The following ROR1 variants were observed in gnomAD, a reference collection of about 807,000 sequenced individuals.
The protein encoded by ROR1 is inactive tyrosine-protein kinase transmembrane receptor ROR1.
In ROR1, 19 loss-of-function variants were observed where a neutral mutation model predicts 78.8. That is an observed-to-expected ratio of 0.24 (90% CI 0.17 to 0.35). ROR1 has a LOEUF of 0.35. ROR1 is among the 10% of genes least tolerant of loss of function. The probability of loss-of-function intolerance (pLI) is 1.00; values close to 1 mark genes in which losing one functional copy is unlikely to be tolerated. For synonymous variants in ROR1, 386 were observed against 433.6 expected (o/e 0.89, Z 1.36); for missense variants, 917 against 1,177.8 (o/e 0.78, Z 3.24).
intron 7 of ROR1, among the ~76,000 whole-genome samples, chr1:64,153,408 A>C (rs2100724234): frequency 6.6e-6 from 1 of 152,308 alleles, no homozygotes; most frequent in South Asian, 2.1e-4. Flanking sequence ...CTGAGTATTT[A>C]ATCCAAAAGA....
rs200464688 is a variant in ROR1, at chr1:64,178,105, T to G, written c.2064T>G (p.Phe688Leu). 1.8e-4 allele frequency: 289 copies of G among 1,614,180 alleles called. No homozygotes were observed. The highest frequency in any genetic ancestry group is 2.3e-4 in the Non-Finnish European group (272 of 1,180,030). The part of the protein sequence containing the change: ...FGVVLWEIFS[F>L]GLQPYYGFSN... ...TTGTCTTGTGGGAGATTTTCAGTTTTGGACTCCAGCCATATTATGGATTCA... is the reference window on the plus strand; with the variant it reads ...TTGTCTTGTGGGAGATTTTCAGTTTGGGACTCCAGCCATATTATGGATTCA... The change falls in exon 9 of 9, where the codon TTT (phenylalanine) becomes TTG (leucine). Residue 688 changes from phenylalanine to leucine, a missense_variant. Phe to Leu is a conservative substitution (Grantham distance 22). This residue lies in a region of ROR1 where 835 missense variants were observed against 1,069.8 expected (regional missense o/e 0.78). Transcript: ENST00000371079. The surrounding 1 kb of genome is among the most constrained non-coding windows in gnomAD (Gnocchi z 4.3).
chr1:63,865,439 T>G (rs1456311239), intron 1 of ROR1, among the ~76,000 whole-genome samples: 1 of 152,220 alleles, frequency 6.6e-6, no homozygotes, highest in Admixed American at 6.5e-5. Flanking sequence ...CTTCTGATAT[T>G]ATTTCAATTG....
chr1:63,896,371 T>C (rs1481852248), intron 1 of ROR1, among the ~76,000 whole-genome samples: 1 of 152,184 alleles, frequency 6.6e-6, no homozygotes, highest in Non-Finnish European at 1.5e-5. Flanking sequence ...TCCAGTGTTC[T>C]AGAATCTGTG....
At chr1:63,879,415 G>T (rs1394878658) in intron 1 of ROR1, among the ~76,000 whole-genome samples, 1 of 152,174 alleles carries the variant, frequency 6.6e-6, no homozygotes, top group African/African-American at 2.4e-5. Context: ...AATTTAGAGA[G>T]AACTTGGGGC....
chr1:63,858,023 A>G (rs1423792143), intron 1 of ROR1, among the ~76,000 whole-genome samples: 1 of 143,834 alleles, frequency 7.0e-6, no homozygotes, highest in East Asian at 1.9e-4. Flanking sequence ...TTTCAGGCAC[A>G]TGGGAACCCT....
chr1:63,776,846 C>A (rs1644619674), intron 1 of ROR1, among the ~76,000 whole-genome samples: 1 of 152,080 alleles, frequency 6.6e-6, no homozygotes, highest in South Asian at 2.1e-4. Context: ...AAATCCCTTT[C>A]CATTTTGTGA....
At chr1:64,152,874 A>G (rs536309174) in intron 7 of ROR1, among the ~76,000 whole-genome samples, 24 of 152,306 alleles carry the variant, frequency 1.6e-4, no homozygotes, top group African/African-American at 5.5e-4. Flanking sequence ...ACTGATTAAC[A>G]CTATTAAATA....
chr1:64,109,721 G>A (rs1648000300), intron 4 of ROR1, among the ~76,000 whole-genome samples: 1 of 152,024 alleles, frequency 6.6e-6, no homozygotes, highest in African/African-American at 2.4e-5. Context: ...TAGAGAACAG[G>A]GTCTCACTTT....
At chr1:64,040,699 G>A (rs369211262) in intron 2 of ROR1, among the ~76,000 whole-genome samples, 189 of 152,282 alleles carry the variant, frequency 1.2e-3, no homozygotes, top group African/African-American at 4.5e-3. Context: ...TGGTAGGAGA[G>A]GCAGGGGATG....
chr1:63,917,652 G>GTA (rs1173857277), intron 1 of ROR1, among the ~76,000 whole-genome samples: 1 of 152,180 alleles, frequency 6.6e-6, no homozygotes, highest in East Asian at 1.9e-4. Context: ...TCCAAAAGGA[G>GTA]TATATGATGA....
At chr1:64,162,088 G>C (rs1227874615) in intron 8 of ROR1, among the ~76,000 whole-genome samples, 2 of 152,134 alleles carry the variant, frequency 1.3e-5, no homozygotes, top group Non-Finnish European at 2.9e-5. Context: ...CACTCCACCA[G>C]AGCAAAATCA....
chr1:64,123,023 T>A (rs1648597287), intron 4 of ROR1, among the ~76,000 whole-genome samples: 1 of 152,160 alleles, frequency 6.6e-6, no homozygotes, highest in Non-Finnish European at 1.5e-5. Flanking sequence ...CTACATTCCC[T>A]CACTGATCCA....
At chr1:63,791,338 CAG>C (rs1311525151) in intron 1 of ROR1, among the ~76,000 whole-genome samples, 1 of 152,062 alleles carries the variant, frequency 6.6e-6, no homozygotes, top group African/African-American at 2.4e-5. Flanking sequence ...AAAGGTGACT[CAG>C]GGGAGTCACC....
At position 64,123,696 on chromosome 1, in the gene ROR1, T is replaced by A. The variant is rs988720376; in HGVS notation, c.483-13673T>A. Reference sequence around the variant, plus strand: ...TAAAAAACGAGGTATGATCTTAAAGTGATTTTACCTAGCAGGTACTTTAAC... The same window carrying A: ...TAAAAAACGAGGTATGATCTTAAAGAGATTTTACCTAGCAGGTACTTTAAC... On this transcript the variant is annotated intron_variant, in intron 4 of 8. Coordinates refer to ENST00000371079, the MANE Select transcript of ROR1 (RefSeq NM_005012.4). Among the ~76,000 whole-genome samples, 13 of 142,076 alleles carry A rather than the reference T, an allele frequency of 9.2e-5. No individual in the cohort carries two copies. In the East Asian group the frequency reaches 2.7e-3, roughly 30 times the overall value. The allele number at this position is 142,076 out of a possible 152,430, so 93.2% of individuals were successfully genotyped here.
intron 1 of ROR1, among the ~76,000 whole-genome samples, chr1:63,897,183 C>G (rs1034995600): frequency 2.6e-5 from 4 of 152,200 alleles, no homozygotes; most frequent in Non-Finnish European, 5.9e-5. Flanking sequence ...GAAATTTTCT[C>G]TCTAGCAAGT....
intron 2 of ROR1, among the ~76,000 whole-genome samples, chr1:64,044,912 T>G (rs1646772122): frequency 2.6e-5 from 4 of 152,192 alleles, no homozygotes; most frequent in Admixed American, 6.5e-5. Flanking sequence ...TTAATGCATT[T>G]GAATTTTCTA....
intron 4 of ROR1, among the ~76,000 whole-genome samples, chr1:64,076,509 C>T (rs562012195): frequency 2.0e-5 from 3 of 152,124 alleles, no homozygotes; most frequent in Non-Finnish European, 4.4e-5. Flanking sequence ...AAACTTGCCT[C>T]AATTTAGAGA....
At position 63,856,079 on chromosome 1, in the gene ROR1, CT is replaced by C. The variant is rs112104332; in HGVS notation, c.91+81583del. On this transcript the variant is annotated intron_variant, in intron 1 of 8. Transcript: ENST00000371079. ...TAACATCTGTGTCAGTTTTGATTGACTTTTTTTTTTTTCCTCCTCATCAGGG... is the reference window on the plus strand; with the variant it reads ...TAACATCTGTGTCAGTTTTGATTGACTTTTTTTTTTTCCTCCTCATCAGGG... Among the ~76,000 whole-genome samples the C allele has an allele frequency of 7.3e-3, 1,059 of 145,678 alleles. 8 individuals carry two copies. The highest frequency in any genetic ancestry group is 0.018 in the African/African-American group (728 of 39,708).
chr1:64,131,187 G>A (rs1328862373), intron 4 of ROR1, among the ~76,000 whole-genome samples: 3 of 152,058 alleles, frequency 2.0e-5, no homozygotes, highest in Non-Finnish European at 4.4e-5. Context: ...GGGTTTTAGG[G>A]GCAGCCATCT....
Sources: allele counts gnomAD v4.1 joint callset (sites outside exome capture counted in the v4.1 genomes callset), GRCh38; gene constraint gnomAD v4.1.1; regional missense constraint gnomAD v4.1.1; non-coding constraint Gnocchi (gnomAD v3.1); transcripts MANE v1.5; gene names NCBI Gene and HGNC (gene_info 2026-07-23, HGNC 2026-07-21).